MRPS35: variants seen among roughly 807,000 people sequenced by gnomAD.
The protein encoded by MRPS35 is small ribosomal subunit protein mS35.
MRPS35 carries 29 observed loss-of-function variants against 32.7 expected under a neutral mutation model. That is an observed-to-expected ratio of 0.89 (90% CI 0.66 to 1.21). MRPS35 has a LOEUF of 1.21. Ranked by LOEUF, MRPS35 falls within the 50% of genes most tolerant of loss-of-function variation. MRPS35 has a pLI of 0.00. For missense variants in MRPS35, 373 were observed against 383.8 expected (o/e 0.97, Z 0.23); for synonymous variants, 148 against 139.3 (o/e 1.06, Z -0.44).
At position 27,714,741 on chromosome 12, in the gene MRPS35, A is replaced by G. The variant is rs757828752; in HGVS notation, c.113-39A>G. Reference sequence around the variant, plus strand: ...TGTTGAACAACTAACTTGACATGATAAAATTCTCTTTAACTACTGTGTTAT... The same window carrying G: ...TGTTGAACAACTAACTTGACATGATGAAATTCTCTTTAACTACTGTGTTAT... On this transcript the variant is annotated intron_variant, in intron 1 of 7. Coordinates refer to ENST00000081029, the MANE Select transcript of MRPS35 (RefSeq NM_021821.4). 2.0e-6 allele frequency: 3 copies of G among 1,523,044 alleles called. No homozygotes were observed. In the East Asian group the frequency reaches 6.8e-5, roughly 34 times the overall value. 94.3% of individuals were successfully genotyped at this position (1,523,044 alleles called of 1,614,324 possible).
intron 1 of MRPS35, among the ~76,000 whole-genome samples, chr12:27,712,309 T>TA (rs2140749077): frequency 6.6e-6 from 1 of 152,286 alleles, no homozygotes; most frequent in East Asian, 1.9e-4. Context: ...GTCAGAGAGT[T>TA]AGTTAAGTAA....
chr12:27,721,499 A>AAC (rs2061874967), intron 4 of MRPS35, among the ~76,000 whole-genome samples: 2 of 152,108 alleles, frequency 1.3e-5, no homozygotes, highest in African/African-American at 4.8e-5. Context: ...CTCTACAAAA[A>AAC]ACACAAAAAA....
rs12424206 is a variant in MRPS35 at position 27,715,420 on chromosome 12, C to T, written c.153+600C>T. 7.4e-3 allele frequency among the ~76,000 whole-genome samples: 1,123 copies of T among 152,314 alleles called. 45 individuals are homozygous for T. Among genetic ancestry groups the T allele is most frequent in the Admixed American group, 0.063 (962 of 15,296 alleles). On this transcript the variant is annotated intron_variant, in intron 2 of 7. Transcript: ENST00000081029. ...GGGATTACAGGCGTGAGCTACTGCACCTGGCCTCCCAAAGTGCTGGGATTA... is the reference window on the plus strand; with the variant it reads ...GGGATTACAGGCGTGAGCTACTGCATCTGGCCTCCCAAAGTGCTGGGATTA...
At chr12:27,733,800 T>C (rs1410939455) in intron 5 of MRPS35, among the ~76,000 whole-genome samples, 1 of 152,264 alleles carries the variant, frequency 6.6e-6, no homozygotes, top group Non-Finnish European at 1.5e-5. Context: ...AGTATTCATA[T>C]TACTTGAGTT....
intron 7 of MRPS35, among the ~76,000 whole-genome samples, chr12:27,752,130 A>T (rs1375861570): frequency 6.6e-6 from 1 of 152,008 alleles, no homozygotes; most frequent in Non-Finnish European, 1.5e-5. Flanking sequence ...CACCTTAGTC[A>T]TAGTCCAGCT....
intron 4 of MRPS35, among the ~76,000 whole-genome samples, chr12:27,722,361 G>A (rs2061879807): frequency 6.6e-6 from 1 of 152,154 alleles, no homozygotes; most frequent in Non-Finnish European, 1.5e-5. Flanking sequence ...GTCTTCCAAA[G>A]TCTCATCTAT....
chr12:27,742,695 C>T lies in MRPS35; in HGVS notation c.702+5087C>T, dbSNP rs76078656. 9.4e-4 allele frequency among the ~76,000 whole-genome samples: 143 copies of T among 152,178 alleles called. 1 individual carries two copies. The highest frequency in any genetic ancestry group is 3.3e-3 in the African/African-American group (138 of 41,508). On this transcript the variant is annotated intron_variant, in intron 7 of 7. Transcript: ENST00000081029. Reference sequence around the variant, plus strand: ...TAAGTCAGAGACAGGCTGTGAAGCTCGTCGTAGTGCTTATTTGCAAAATGT... The same window carrying T: ...TAAGTCAGAGACAGGCTGTGAAGCTTGTCGTAGTGCTTATTTGCAAAATGT...
intron 1 of MRPS35, among the ~76,000 whole-genome samples, chr12:27,712,452 G>A (rs2140749349): frequency 6.6e-6 from 1 of 152,292 alleles, no homozygotes; most frequent in South Asian, 2.1e-4. Flanking sequence ...GCTTTACTGG[G>A]GTAAGAGTGG....
Position 27,755,280 on chromosome 12 carries a change from C to T in MRPS35, c.802C>T (p.Gln268Ter). 6.2e-7 allele frequency: 1 copy of T among 1,612,942 alleles called. No homozygotes were observed. The highest frequency in any genetic ancestry group is 2.2e-5 in the East Asian group (1 of 44,814). Residue 268 changes from glutamine (Q) to a stop codon, truncating the protein, a stop_gained, in exon 8 of 8, where the codon CAG becomes TAG. Coordinates refer to ENST00000081029, the MANE Select transcript of MRPS35 (RefSeq NM_021821.4). LOFTEE classifies it low-confidence loss of function (END_TRUNC). ...SERNILETLL[Q>*]MKAAEKNMEI... is the part of the protein sequence containing the mutation. The stretch of plus-strand genomic sequence containing the variant: ...AAGAAATATCCTGGAAACGCTTCTC[C>T]AGATGAAAGCTGCTGAGAAAAATAT...
chr12:27,723,924 A>T, intron 4 of MRPS35, 123 bp from the exon 5 acceptor site: 3 of 930,328 alleles, frequency 3.2e-6, no homozygotes, highest in Non-Finnish European at 4.7e-6. Flanking sequence ...AAAGTGCAGA[A>T]GAGAATCTGT....
intron 4 of MRPS35, among the ~76,000 whole-genome samples, chr12:27,722,145 C>T (rs1222417648): frequency 6.6e-6 from 1 of 152,158 alleles, no homozygotes; most frequent in Non-Finnish European, 1.5e-5. Context: ...TTAATTATCC[C>T]TTTACACTTG....
At chr12:27,732,989 T>TAG (rs2061927791) in intron 5 of MRPS35, among the ~76,000 whole-genome samples, 1 of 220 alleles carries the variant, frequency 4.5e-3, no homozygotes, top group African/African-American at 0.015. Flanking sequence ...CATTTGAAGA[T>TAG]ATATATATAT....
At chr12:27,755,113 G>A (rs1565473411) in intron 7 of MRPS35, 68 bp from the exon 8 acceptor site, 4 of 1,421,712 alleles carry the variant, frequency 2.8e-6, no homozygotes, top group South Asian at 1.5e-5. Context: ...AAGAAAGGAA[G>A]AAACAAACAA....
chr12:27,743,909 A>G (rs958202336), intron 7 of MRPS35, among the ~76,000 whole-genome samples: 3 of 152,230 alleles, frequency 2.0e-5, no homozygotes, highest in Admixed American at 6.5e-5. Context: ...TCCTGTCTCT[A>G]TCATATTAAG....
At chr12:27,748,625 C>T (rs1419944895) in intron 7 of MRPS35, among the ~76,000 whole-genome samples, 1 of 151,974 alleles carries the variant, frequency 6.6e-6, no homozygotes, top group African/African-American at 2.4e-5. Context: ...TTTGAATATG[C>T]TGTTGTTTGT....
intron 1 of MRPS35, among the ~76,000 whole-genome samples, chr12:27,712,879 G>T (rs553671613): frequency 2.0e-5 from 3 of 152,252 alleles, no homozygotes; most frequent in South Asian, 4.1e-4. Flanking sequence ...TTAGCCAGAC[G>T]TGGTGGCCCA....
intron 5 of MRPS35, among the ~76,000 whole-genome samples, chr12:27,734,492 C>T (rs1056743375): frequency 5.9e-5 from 9 of 152,118 alleles, no homozygotes; most frequent in Non-Finnish European, 8.8e-5. Flanking sequence ...CCGCCCGCCT[C>T]GGCCTCCCAA....
intron 4 of MRPS35, 111 bp downstream of exon 4, chr12:27,719,979 G>C: frequency 1.3e-6 from 1 of 775,470 alleles, no homozygotes; most frequent in Non-Finnish European, 2.1e-6. Flanking sequence ...TCAGTGAATT[G>C]TTACATGTCA....
At chr12:27,734,580 C>T (rs1425858498) in intron 5 of MRPS35, among the ~76,000 whole-genome samples, 1 of 152,098 alleles carries the variant, frequency 6.6e-6, no homozygotes, top group Non-Finnish European at 1.5e-5. Flanking sequence ...TAGATAATAC[C>T]TTTAGCCCAT....
Sources: allele counts gnomAD v4.1 joint callset (sites outside exome capture counted in the v4.1 genomes callset), GRCh38; gene constraint gnomAD v4.1.1; transcripts MANE v1.5; gene names NCBI Gene and HGNC (gene_info 2026-07-23, HGNC 2026-07-21).